Variants in PHYHIPL observed in about 807,000 individuals in gnomAD.
The protein encoded by PHYHIPL is phytanoyl-CoA hydroxylase-interacting protein-like.
Under a neutral mutation model 33.4 loss-of-function variants are expected in PHYHIPL, and 9 were observed. The observed-to-expected ratio is 0.27, with a 90% confidence interval of 0.16 to 0.47. The LOEUF is 0.47. PHYHIPL is among the 20% of genes least tolerant of loss of function. PHYHIPL has a pLI of 0.99. For missense variants in PHYHIPL, 365 were observed against 460.7 expected (o/e 0.79, Z 1.90); for synonymous variants, 153 against 154.1 (o/e 0.99, Z 0.05).
At position 59,245,614 on chromosome 10, in the gene PHYHIPL, T is replaced by G. The variant is rs868175492; in HGVS notation, c.*23T>G. ...TAATGCCCACTTTTCTTATTCTTACTCAGCCCCTTTTCCTCCCTTAGGAGC... is the reference window on the plus strand; with the variant it reads ...TAATGCCCACTTTTCTTATTCTTACGCAGCCCCTTTTCCTCCCTTAGGAGC... On this transcript the variant is annotated 3_prime_UTR_variant, in exon 5 of 5. Transcript: ENST00000373880. The G allele has an allele frequency of 1.3e-6, 2 of 1,557,236 alleles. No homozygotes were observed. Among genetic ancestry groups the G allele is most frequent in the Middle Eastern group, 3.5e-4 (2 of 5,730 alleles).
In PHYHIPL at chr10:59,245,949, ATTCAT is replaced by A. The variant is rs1240128888; in HGVS notation, c.*361_*365del. ...GCTTATAAATGGTGTTTAAATATGC[ATTCAT>A]TTTAATCTACTGAACAAATATTGGG... On this transcript the variant is annotated 3_prime_UTR_variant, in exon 5 of 5. Transcript: ENST00000373880. The A allele has an allele frequency of 5.6e-6, 1 of 176,992 alleles. No homozygotes were observed. The highest frequency in any genetic ancestry group is 2.4e-5 in the African/African-American group (1 of 42,250). The allele number at this position is 176,992 out of a possible 1,614,324, so 11.0% of individuals were successfully genotyped here.
At position 59,245,254 on chromosome 10, in the gene PHYHIPL, A is replaced by ACTT. The variant is rs756096608; in HGVS notation, c.795_797dup (p.Asn265_Leu266insPhe). 8 of 1,614,038 alleles carry ACTT rather than the reference A, an allele frequency of 5.0e-6. No homozygotes were observed. The highest frequency in any genetic ancestry group is 4.5e-5 in the East Asian group (2 of 44,870). ...GAAAAACTTTTTAACCCCAATACTAACTTATACTTTGGGGACTTCTACTGT... is the reference window on the plus strand; with the variant it reads ...GAAAAACTTTTTAACCCCAATACTAACTTCTTATACTTTGGGGACTTCTACTGT... On this transcript the variant is annotated inframe_insertion, in exon 5 of 5. Coordinates refer to ENST00000373880, the MANE Select transcript of PHYHIPL (RefSeq NM_032439.4).
intron 4 of PHYHIPL, among the ~76,000 whole-genome samples, chr10:59,240,369 A>G (rs983880591): frequency 6.6e-6 from 1 of 152,078 alleles, no homozygotes; most frequent in African/African-American, 2.4e-5. Flanking sequence ...AGTTGAAAAT[A>G]TCAAGTTGAA....
At chr10:59,189,052 G>A (rs1297363936) in intron 1 of PHYHIPL, among the ~76,000 whole-genome samples, 2 of 151,988 alleles carry the variant, frequency 1.3e-5, no homozygotes, top group African/African-American at 2.4e-5. Flanking sequence ...TGAGAAATAT[G>A]TATAATTATA....
chr10:59,179,293 T>C (rs1358056222), intron 1 of PHYHIPL, among the ~76,000 whole-genome samples: 5 of 152,310 alleles, frequency 3.3e-5, no homozygotes, highest in African/African-American at 1.2e-4. Context: ...CTCCTTTCAC[T>C]TTCTTTCCAC....
At chr10:59,216,352 G>C (rs1429978728) in intron 1 of PHYHIPL, among the ~76,000 whole-genome samples, 1 of 152,090 alleles carries the variant, frequency 6.6e-6, no homozygotes, top group African/African-American at 2.4e-5. Context: ...TCAGGAAAGA[G>C]GTTATTGATC....
At chr10:59,202,267 A>G (rs1839142553) in intron 1 of PHYHIPL, among the ~76,000 whole-genome samples, 2 of 152,164 alleles carry the variant, frequency 1.3e-5, no homozygotes, top group Admixed American at 1.3e-4. Flanking sequence ...AGGGTACACT[A>G]GAAGCCCATC....
chr10:59,244,993 A>T (rs1335938793), intron 4 of PHYHIPL, 64 bp from the exon 5 acceptor site: 12 of 1,510,974 alleles, frequency 7.9e-6, no homozygotes, highest in Non-Finnish European at 1.1e-5. Flanking sequence ...AGGCCATTCA[A>T]ATATATAAAT....
chr10:59,175,943 C>G (rs962485258), upstream of PHYHIPL, among the ~76,000 whole-genome samples: 10 of 152,246 alleles, frequency 6.6e-5, no homozygotes, highest in African/African-American at 2.4e-4. Context: ...CGCAGCATGT[C>G]TGCCGCCTTT....
At chr10:59,240,400 C>G (rs992771271) in intron 4 of PHYHIPL, among the ~76,000 whole-genome samples, 1 of 151,964 alleles carries the variant, frequency 6.6e-6, no homozygotes, top group Admixed American at 6.6e-5. Context: ...ATACACCTAA[C>G]TTACAAAACA....
At position 59,245,373 on chromosome 10, in the gene PHYHIPL, T is replaced by G; in HGVS notation, c.913T>G (p.Ser305Ala). 2 of 1,614,110 alleles carry G rather than the reference T, an allele frequency of 1.2e-6. No individual in the cohort carries two copies. The highest frequency in any genetic ancestry group is 2.2e-5 in the South Asian group (2 of 91,076). ...TAAGCAGCGCCTTCCTCAACTAAAT[T>G]CTAAGGATAATAAATTTTTGACCTG... ...FCKQRLPQLN[S>A]KDNKFLTCTE... is the part of the protein sequence containing the mutation. The change falls in exon 5 of 5, where the codon TCT becomes GCT. Residue 305 changes from serine (S) to alanine (A), a missense_variant. Physicochemically the swap from Ser to Ala is moderately conservative, Grantham distance 99. Coordinates refer to ENST00000373880, the MANE Select transcript of PHYHIPL (RefSeq NM_032439.4).
At chr10:59,194,482 G>A (rs115639077) in intron 1 of PHYHIPL, among the ~76,000 whole-genome samples, 2,250 of 152,152 alleles carry the variant, frequency 0.015, 65 homozygotes, top group African/African-American at 0.05. Flanking sequence ...TGCATGCATA[G>A]TGCTATTTAG....
At chr10:59,185,612 C>A (rs1173621015) in intron 1 of PHYHIPL, among the ~76,000 whole-genome samples, 1 of 152,190 alleles carries the variant, frequency 6.6e-6, no homozygotes, top group Non-Finnish European at 1.5e-5. Context: ...TTCTCCACAT[C>A]CTCTCCAGCA....
chr10:59,216,609 G>A (rs1041750824), intron 1 of PHYHIPL, among the ~76,000 whole-genome samples: 3 of 152,046 alleles, frequency 2.0e-5, no homozygotes, highest in Non-Finnish European at 4.4e-5. Context: ...ACCTCATCGG[G>A]GGTAAAGGCA....
chr10:59,220,052 A>G (rs1213469376), intron 1 of PHYHIPL, among the ~76,000 whole-genome samples: 1 of 152,140 alleles, frequency 6.6e-6, no homozygotes, highest in Non-Finnish European at 1.5e-5. Context: ...CACACCATTT[A>G]TTGTGCTGAA....
chr10:59,243,256 C>G (rs1053739762), intron 4 of PHYHIPL, among the ~76,000 whole-genome samples: 1 of 152,092 alleles, frequency 6.6e-6, no homozygotes, highest in Admixed American at 6.5e-5. Context: ...TTTTCAAATG[C>G]TGAACGAGCA....
In PHYHIPL at chr10:59,247,261, C is replaced by A; in HGVS notation, c.*1670C>A. On this transcript the variant is annotated 3_prime_UTR_variant, in exon 5 of 5. Coordinates refer to ENST00000373880, the MANE Select transcript of PHYHIPL (RefSeq NM_032439.4). The stretch of plus-strand genomic sequence containing the variant: ...GCTCTTTTCCATACATCAACATAAA[C>A]AGTCTTTGGATACTAAATAAACTTT... 5.3e-6 allele frequency: 1 copy of A among 190,054 alleles called. No individual in the cohort carries two copies. Among genetic ancestry groups the A allele is most frequent in the Non-Finnish European group, 1.1e-5 (1 of 94,184 alleles). The allele number at this position is 190,054 out of a possible 1,614,324, so 11.8% of individuals were successfully genotyped here. A position where few individuals can be genotyped will look rare whatever the true frequency, so the allele number is the denominator to read the frequency against.
chr10:59,245,668 C>T lies in PHYHIPL; in HGVS notation c.*77C>T. On this transcript the variant is annotated 3_prime_UTR_variant, in exon 5 of 5. Coordinates refer to ENST00000373880, the MANE Select transcript of PHYHIPL (RefSeq NM_032439.4). The stretch of plus-strand genomic sequence containing the variant: ...GGTCCTCTGTTGTCCATTTTTATCA[C>T]CAGATGTTTTCCACTGAAGCATGCA... 6.9e-7 allele frequency: 1 copy of T among 1,439,706 alleles called. No individual in the cohort carries two copies. The highest frequency in any genetic ancestry group is 9.3e-7 in the Non-Finnish European group (1 of 1,073,366). 89.2% of individuals were successfully genotyped at this position (1,439,706 alleles called of 1,614,324 possible).
At chr10:59,238,839 T>C (rs1005953051) in intron 4 of PHYHIPL, 134 bp downstream of exon 4, 8 of 555,728 alleles carry the variant, frequency 1.4e-5, no homozygotes, top group Non-Finnish European at 2.5e-5. Flanking sequence ...TGGAATTTTA[T>C]TTTCCAGAAA....
Sources: gnomAD v4.1 joint callset for allele counts (sites outside exome capture counted in the v4.1 genomes callset) on GRCh38, gnomAD v4.1.1 for gene constraint, MANE v1.5 for transcripts, NCBI Gene and HGNC (gene_info 2026-07-23, HGNC 2026-07-21) for gene names.